MICAL2: variants seen among roughly 807,000 people sequenced by gnomAD.
The protein encoded by MICAL2 is microtubule associated monooxygenase, calponin and LIM domain containing 2.
Under a neutral mutation model 127.3 loss-of-function variants are expected in MICAL2, and 77 were observed. The observed-to-expected ratio is 0.60, with a 90% CI of 0.50 to 0.73. The LOEUF (loss-of-function observed/expected upper bound fraction) is 0.73. Ranked by LOEUF, MICAL2 falls within the 30% of genes least tolerant of loss-of-function variation. The pLI is 0.00. For synonymous variants in MICAL2, 570 were observed against 551.1 expected (o/e 1.03, Z -0.48); for missense variants, 1,351 against 1,434.4 (o/e 0.94, Z 0.94).
chr11:12,317,166 G>A (rs996746887), intron 29 of MICAL2, among the ~76,000 whole-genome samples: 4 of 152,162 alleles, frequency 2.6e-5, no homozygotes, highest in South Asian at 2.1e-4. Context: ...TCTGCCCCAC[G>A]TATTCCAGCT....
At position 12,350,050 on chromosome 11, in the gene MICAL2, A is replaced by C. The variant is rs1250810281; in HGVS notation, c.5615+113A>C. The C allele has an allele frequency of 7.0e-6, 5 of 712,112 alleles. No individual in the cohort carries two copies. The African/African-American group carries it at 9.0e-5, about 13-fold the overall frequency. The allele number at this position is 712,112 out of a possible 1,614,324, so 44.1% of individuals were successfully genotyped here. The stretch of plus-strand genomic sequence containing the variant: ...CTTTTTCTCCTTGTGCATACAGAAT[A>C]GTGATTGAGGCAAATTGATATTTTA... On this transcript the variant is annotated intron_variant, in intron 33 of 34. Transcript: ENST00000646065.
At chr11:12,280,046 C>A (rs1029442943) in intron 1 of MICAL2, among the ~76,000 whole-genome samples, 2 of 152,212 alleles carry the variant, frequency 1.3e-5, no homozygotes, top group Admixed American at 1.3e-4. Flanking sequence ...CTTTCCCATC[C>A]TGGAACTGCG....
At position 12,209,536 on chromosome 11, in the gene MICAL2, CTCTG is replaced by C. The variant is rs1416866395; in HGVS notation, c.632_635del (p.Leu211ArgfsTer39). ...GCAGAATTTCTCCCTACAGACCATT[CTCTG>C]TCGGAGTTTGAGTTTGACGTCATCA... On this transcript the variant is annotated frameshift_variant, in exon 6 of 28. Transcript: ENST00000683283. LOFTEE classifies it high-confidence loss of function. 6.2e-7 allele frequency: 1 copy of C among 1,614,164 alleles called. No individual in the cohort carries two copies.
At chr11:12,246,195 G>C (rs1308088909) in intron 21 of MICAL2, among the ~76,000 whole-genome samples, 1 of 152,386 alleles carries the variant, frequency 6.6e-6, no homozygotes, top group Non-Finnish European at 1.5e-5. Flanking sequence ...GAAACATGCA[G>C]AGCTGCTGGG....
Position 12,244,063 on chromosome 11 carries a change from C to A in MICAL2, c.2735C>A (p.Ala912Asp). The A allele has an allele frequency of 6.2e-7, 1 of 1,614,234 alleles. No individual in the cohort carries two copies. Among genetic ancestry groups the A allele is most frequent in the Non-Finnish European group, 8.5e-7 (1 of 1,180,028 alleles). The change falls in exon 21 of 28, where the codon GCT (alanine) becomes GAT (aspartate). Residue 912 changes from alanine (A) to aspartate (D), a missense_variant. By Grantham distance (126) the Ala-to-Asp change is moderately radical (BLOSUM62 -2). Transcript: ENST00000683283. ...TCTCGCCTTCCGTCTCCTGATCCAG[C>A]TGCTTCTTCCTCTCCATCAACTGTT... ...PPSRLPSPDPAASSSPSTVDS... is the reference protein window; with the variant it reads ...PPSRLPSPDPDASSSPSTVDS...
intron 21 of MICAL2, among the ~76,000 whole-genome samples, chr11:12,244,526 A>T (rs961562704): frequency 6.6e-6 from 1 of 152,242 alleles, no homozygotes; most frequent in Non-Finnish European, 1.5e-5. Context: ...TCCTAATAAG[A>T]TGGCAATTTC....
intron 2 of MICAL2, among the ~76,000 whole-genome samples, chr11:12,153,999 T>C (rs1482160241): frequency 6.6e-6 from 1 of 152,144 alleles, no homozygotes; most frequent in Non-Finnish European, 1.5e-5. Flanking sequence ...CAGCAGGGGA[T>C]CCTGCAGGAA....
chr11:12,227,955 T>C (rs1857692451), intron 15 of MICAL2, among the ~76,000 whole-genome samples: 1 of 152,230 alleles, frequency 6.6e-6, no homozygotes, highest in Non-Finnish European at 1.5e-5. Context: ...TAAGGAGCAG[T>C]GACAGTTTTG....
At chr11:12,290,767 A>G (rs1863887468), downstream of MICAL2, among the ~76,000 whole-genome samples, 1 of 152,156 alleles carries the variant, frequency 6.6e-6, no homozygotes, top group Admixed American at 6.5e-5. Flanking sequence ...GTGTGGTGCC[A>G]TCTGTTCAGA....
At chr11:12,267,395 G>T (rs571495981), downstream of MICAL2, among the ~76,000 whole-genome samples, 1 of 152,182 alleles carries the variant, frequency 6.6e-6, no homozygotes, top group South Asian at 2.1e-4. Context: ...CAGCCCAAAG[G>T]CCCTGGAGTC....
intron 2 of MICAL2, among the ~76,000 whole-genome samples, chr11:12,283,927 C>A (rs955534222): frequency 6.6e-6 from 1 of 152,122 alleles, no homozygotes; most frequent in African/African-American, 2.4e-5. Flanking sequence ...AGGCAGATTC[C>A]CAGGTTCTCA....
intron 7 of MICAL2, among the ~76,000 whole-genome samples, chr11:12,213,946 C>CGG (rs1855833314): frequency 6.6e-6 from 1 of 152,296 alleles, no homozygotes; most frequent in Admixed American, 6.5e-5. Flanking sequence ...AGTTGTCACC[C>CGG]AGCCATGGGC....
intron 2 of MICAL2, among the ~76,000 whole-genome samples, chr11:12,155,905 A>T (rs1377233629): frequency 2.6e-5 from 4 of 152,192 alleles, no homozygotes; most frequent in Non-Finnish European, 5.9e-5. Flanking sequence ...GCACTGCCTC[A>T]TTGGGACCTC....
chr11:12,324,159 T>C (rs1056061640), intron 31 of MICAL2: 2 of 1,450,600 alleles, frequency 1.4e-6, no homozygotes, highest in African/African-American at 2.9e-5. Flanking sequence ...GTCTGCATTG[T>C]ATTAGGGAAA....
chr11:12,304,102 A>G (rs1422987623), intron 29 of MICAL2, among the ~76,000 whole-genome samples: 1 of 152,204 alleles, frequency 6.6e-6, no homozygotes, highest in Non-Finnish European at 1.5e-5. Flanking sequence ...AATATATTAA[A>G]ATTAATTTTA....
At chr11:12,274,163 TGA>T, upstream of MICAL2, among the ~76,000 whole-genome samples, 1 of 150,788 alleles carries the variant, frequency 6.6e-6, no homozygotes, top group South Asian at 2.1e-4. Flanking sequence ...AGGAGGGAAG[TGA>T]GAGGGAGCCA....
At chr11:12,249,103 G>T (rs1289999785) in intron 21 of MICAL2, 81 bp from the exon 22 acceptor site, 2 of 1,582,164 alleles carry the variant, frequency 1.3e-6, no homozygotes, top group Non-Finnish European at 1.7e-6. Context: ...ATCCTGTAAA[G>T]CTTCTCTTTC....
intron 1 of MICAL2, among the ~76,000 whole-genome samples, chr11:12,120,540 G>A (rs2133464790): frequency 6.6e-6 from 1 of 152,362 alleles, no homozygotes; most frequent in South Asian, 2.1e-4. Context: ...AGTATGGAAT[G>A]TCCACAGAGT....
chr11:12,118,817 G>A (rs1170291830), intron 1 of MICAL2, among the ~76,000 whole-genome samples: 1 of 152,182 alleles, frequency 6.6e-6, no homozygotes, highest in Non-Finnish European at 1.5e-5. Flanking sequence ...AAATATTTGT[G>A]AAGTCCCTTG....
Sources: gnomAD v4.1 joint callset for allele counts (sites outside exome capture counted in the v4.1 genomes callset) on GRCh38, gnomAD v4.1.1 for gene constraint, MANE v1.5 for transcripts, NCBI Gene and HGNC (gene_info 2026-07-23, HGNC 2026-07-21) for gene names.